WDR49: variants seen among roughly 807,000 people sequenced by gnomAD.
WDR49 encodes the protein cilia- and flagella-associated protein 337.
Under a neutral mutation model 119.5 loss-of-function variants are expected in WDR49, and 107 were observed. That is an observed-to-expected ratio of 0.90 (90% CI 0.77 to 1.05). The LOEUF is 1.05. Among genes scored for constraint, WDR49 ranks in the 50% least tolerant of loss-of-function variants. WDR49 has a pLI of 0.00. For synonymous variants in WDR49, 425 were observed against 418.8 expected (o/e 1.01, Z -0.18); for missense variants, 1,240 against 1,220.5 (o/e 1.02, Z -0.24).
In WDR49 at chr3:167,585,400, G is replaced by T. The variant is rs973506160; in HGVS notation, c.1276-9249C>A. Among the ~76,000 whole-genome samples the T allele has an allele frequency of 9.2e-5, 13 of 141,120 alleles. No individual in the cohort carries two copies. In the East Asian group the frequency reaches 2.0e-3, roughly 22 times the overall value. 92.6% of individuals were successfully genotyped at this position (141,120 alleles called of 152,430 possible). A position where few individuals can be genotyped will look rare whatever the true frequency, so the allele number is the denominator to read the frequency against. Reference sequence around the variant, plus strand: ...AGGTCTTAAAAGGGTGCGTGTGTGTGTGTGTGTGTGTGTGTGTGTGTGTGT... The same window carrying T: ...AGGTCTTAAAAGGGTGCGTGTGTGTTTGTGTGTGTGTGTGTGTGTGTGTGT... On this transcript the variant is annotated intron_variant, in intron 7 of 18. Transcript: ENST00000682715.
chr3:167,565,659 C>G (rs958146582), intron 8 of WDR49, among the ~76,000 whole-genome samples: 1 of 152,028 alleles, frequency 6.6e-6, no homozygotes, highest in Non-Finnish European at 1.5e-5. Context: ...ACAAAGGAAA[C>G]AGCAGTGCAA....
At chr3:167,483,579 G>A (rs1356283580) in intron 18 of WDR49, among the ~76,000 whole-genome samples, 1 of 152,014 alleles carries the variant, frequency 6.6e-6, no homozygotes, top group Admixed American at 6.6e-5. Flanking sequence ...AATTTTGGTA[G>A]CTCTCTTTAG....
At chr3:167,619,521 T>G (rs1194870479) in intron 5 of WDR49, among the ~76,000 whole-genome samples, 2 of 152,138 alleles carry the variant, frequency 1.3e-5, no homozygotes, top group African/African-American at 2.4e-5. Flanking sequence ...AAATTCTTAC[T>G]GTGGGCATAC....
At chr3:167,490,544 A>G (rs188379150) in intron 18 of WDR49, among the ~76,000 whole-genome samples, 33 of 152,262 alleles carry the variant, frequency 2.2e-4, no homozygotes, top group African/African-American at 7.9e-4. Context: ...AAGAACTTTT[A>G]TATGATATCA....
At chr3:167,615,443 T>TAAAAAA (rs57991972) in intron 5 of WDR49, among the ~76,000 whole-genome samples, 2 of 135,100 alleles carry the variant, frequency 1.5e-5, no homozygotes, top group Non-Finnish European at 3.2e-5. Context: ...GCTCTCCATT[T>TAAAAAA]AAAAAAAAAA....
chr3:167,631,880 C>T (rs1055291523), intron 2 of WDR49, among the ~76,000 whole-genome samples: 9 of 151,994 alleles, frequency 5.9e-5, no homozygotes, highest in Non-Finnish European at 7.4e-5. Flanking sequence ...GAGGTTAGTC[C>T]GGGCACTTAA....
chr3:167,578,950 G>A (rs1714389535), intron 7 of WDR49, among the ~76,000 whole-genome samples: 1 of 152,080 alleles, frequency 6.6e-6, no homozygotes. Flanking sequence ...AGTTTCAAGT[G>A]ACAATATCAT....
chr3:167,657,011 T>A (rs549668591), upstream of WDR49, among the ~76,000 whole-genome samples: 1 of 152,240 alleles, frequency 6.6e-6, no homozygotes, highest in African/African-American at 2.4e-5. Context: ...GACTGAATAA[T>A]TCTCCCCACC....
chr3:167,557,051 G>T (rs1040706708), intron 9 of WDR49, among the ~76,000 whole-genome samples: 2 of 151,854 alleles, frequency 1.3e-5, no homozygotes, highest in African/African-American at 4.8e-5. Context: ...AAAAAAATTA[G>T]CCGAGCATGG....
At chr3:167,619,416 A>G (rs1277091845) in intron 5 of WDR49, among the ~76,000 whole-genome samples, 3 of 152,142 alleles carry the variant, frequency 2.0e-5, no homozygotes, top group South Asian at 2.1e-4. Flanking sequence ...TACAATTAAT[A>G]TCATGCAGAA....
intron 10 of WDR49, among the ~76,000 whole-genome samples, chr3:167,545,206 G>A (rs1365701475): frequency 6.6e-6 from 1 of 151,786 alleles, no homozygotes; most frequent in Non-Finnish European, 1.5e-5. Context: ...ATACATGTTG[G>A]CATGGACGTG....
chr3:167,575,834 A>G, intron 8 of WDR49, 84 bp downstream of exon 8: 1 of 1,423,800 alleles, frequency 7.0e-7, no homozygotes, highest in Middle Eastern at 1.8e-4. Context: ...TTTGTCTTTC[A>G]TTTTACCTTA....
chr3:167,504,835 C>T (rs1206815732), intron 17 of WDR49, among the ~76,000 whole-genome samples: 1 of 151,992 alleles, frequency 6.6e-6, no homozygotes, highest in African/African-American at 2.4e-5. Context: ...GCTTGGTGCT[C>T]TCCTCATGGT....
intron 18 of WDR49, among the ~76,000 whole-genome samples, chr3:167,490,252 T>C (rs1017966865): frequency 1.3e-5 from 2 of 152,280 alleles, no homozygotes; most frequent in East Asian, 3.9e-4. Context: ...TTTAAATATG[T>C]TGTTCACATA....
chr3:167,618,244 A>C (rs1325534632), intron 5 of WDR49, among the ~76,000 whole-genome samples: 2 of 152,206 alleles, frequency 1.3e-5, no homozygotes, highest in Non-Finnish European at 2.9e-5. Flanking sequence ...TATAAGATTT[A>C]GTAGTTAATT....
At chr3:167,605,201 A>C (rs1388706160) in intron 5 of WDR49, among the ~76,000 whole-genome samples, 3 of 152,130 alleles carry the variant, frequency 2.0e-5, no homozygotes, top group African/African-American at 4.8e-5. Flanking sequence ...AAATAGCTCA[A>C]TGCATTCCTT....
chr3:167,575,175 T>A, intron 8 of WDR49: 2 of 985,360 alleles, frequency 2.0e-6, no homozygotes, highest in Non-Finnish European at 2.4e-6. Context: ...CCTGACGGGA[T>A]CACTGCAGCA....
chr3:167,555,788 C>A (rs1446620601), intron 9 of WDR49, among the ~76,000 whole-genome samples: 4 of 152,086 alleles, frequency 2.6e-5, no homozygotes, highest in Admixed American at 2.0e-4. Flanking sequence ...TATAAAGTCA[C>A]CCATCACTTA....
intron 10 of WDR49, among the ~76,000 whole-genome samples, chr3:167,542,316 C>A (rs1711895501): frequency 6.6e-6 from 1 of 152,060 alleles, no homozygotes; most frequent in Non-Finnish European, 1.5e-5. Context: ...ACATCCTACC[C>A]AACAACTGCA....
Sources: allele counts gnomAD v4.1 joint callset (sites outside exome capture counted in the v4.1 genomes callset), GRCh38; gene constraint gnomAD v4.1.1; transcripts MANE v1.5; gene names NCBI Gene and HGNC (gene_info 2026-07-23, HGNC 2026-07-21).